Variants in GLI3 observed in about 807,000 individuals in gnomAD.
The protein encoded by GLI3 is GLI family zinc finger 3.
GLI3 carries 20 observed loss-of-function variants against 100.8 expected under a neutral mutation model. The ratio of observed to expected loss-of-function variants is 0.20; its 90% confidence interval spans 0.14 to 0.29. The LOEUF is 0.29. Ranked by LOEUF, GLI3 falls within the 10% of genes least tolerant of loss-of-function variation. The probability of loss-of-function intolerance (pLI) is 1.00; values close to 1 mark genes in which losing one functional copy is unlikely to be tolerated. For synonymous variants in GLI3, 938 were observed against 860.5 expected (o/e 1.09, Z -1.58); for missense variants, 2,040 against 2,128.5 (o/e 0.96, Z 0.82).
Position 42,077,586 on chromosome 7 carries a change from C to A in GLI3, c.368-729G>T, listed in dbSNP as rs528774089. ...GTAGTGTTAACATTCACCTTGGACC[C>A]AGGCCCTCTCCTGCTTCCACCTTTC... On this transcript the variant is annotated intron_variant, in intron 3 of 14. Transcript: ENST00000395925. 2.2e-4 allele frequency among the ~76,000 whole-genome samples: 33 copies of A among 152,080 alleles called. No individual in the cohort carries two copies. In the South Asian group the frequency reaches 6.5e-3, roughly 30 times the overall value.
intron 1 of GLI3, among the ~76,000 whole-genome samples, chr7:42,256,321 A>T (rs1449311997): frequency 1.3e-5 from 2 of 151,430 alleles, no homozygotes; most frequent in African/African-American, 4.9e-5. Flanking sequence ...TTTTTAATGG[A>T]TCATGTGTTG....
intron 2 of GLI3, among the ~76,000 whole-genome samples, chr7:42,205,449 T>C (rs1788130660): frequency 6.6e-6 from 1 of 152,180 alleles, no homozygotes. Flanking sequence ...CTAATCCTTG[T>C]CCTTGGCACT....
At chr7:41,981,279 G>A (rs774362579) in intron 10 of GLI3, among the ~76,000 whole-genome samples, 7 of 152,214 alleles carry the variant, frequency 4.6e-5, no homozygotes, top group Non-Finnish European at 8.8e-5. Context: ...CATCCATGAC[G>A]TAGGTAAGCT....
At chr7:42,186,872 A>G (rs1787726156) in intron 2 of GLI3, among the ~76,000 whole-genome samples, 1 of 152,176 alleles carries the variant, frequency 6.6e-6, no homozygotes, top group Admixed American at 6.5e-5. Context: ...GAGCTTTTAA[A>G]TGTTTTGGAG....
chr7:41,988,966 T>C (rs1023706317), intron 10 of GLI3, among the ~76,000 whole-genome samples: 1 of 152,212 alleles, frequency 6.6e-6, no homozygotes, highest in African/African-American at 2.4e-5. Flanking sequence ...TATTGTGATT[T>C]TACATGGAGA....
chr7:42,236,676 G>GCCGCCACC (rs1277401009), intron 1 of GLI3, among the ~76,000 whole-genome samples: 1 of 152,102 alleles, frequency 6.6e-6, no homozygotes, highest in Non-Finnish European at 1.5e-5. Context: ...GGCGAGGGGC[G>GCCGCCACC]CCGCCACCAC....
intron 2 of GLI3, among the ~76,000 whole-genome samples, chr7:42,182,660 A>ATATATATATATACATGTG (rs1554337052): frequency 0.012 from 716 of 59,088 alleles, 31 homozygotes; most frequent in Middle Eastern, 0.055. Flanking sequence ...ATATATATAT[A>ATATATATATATACATGTG]TATATATATA....
chr7:42,163,572 G>A (rs145943382), intron 2 of GLI3, among the ~76,000 whole-genome samples: 5,497 of 151,994 alleles, frequency 0.036, 141 homozygotes, highest in Middle Eastern at 0.061. Flanking sequence ...GGAATTACAG[G>A]CGCCCGCCAG....
chr7:42,065,700 T>C (rs961447625), intron 4 of GLI3, among the ~76,000 whole-genome samples: 3 of 152,200 alleles, frequency 2.0e-5, no homozygotes, highest in Non-Finnish European at 4.4e-5. Flanking sequence ...TCTTTAGATA[T>C]GTAAATTTAA....
At chr7:41,976,899 T>A (rs1261825181) in intron 12 of GLI3, among the ~76,000 whole-genome samples, 1 of 152,172 alleles carries the variant, frequency 6.6e-6, no homozygotes, top group Non-Finnish European at 1.5e-5. Flanking sequence ...CTCTCTACAA[T>A]TTAGGGGGGA....
At chr7:42,161,234 T>G (rs988362881) in intron 2 of GLI3, among the ~76,000 whole-genome samples, 1 of 152,148 alleles carries the variant, frequency 6.6e-6, no homozygotes, top group Non-Finnish European at 1.5e-5. Flanking sequence ...AAAAGAAGAA[T>G]AATATTTCAC....
At chr7:42,019,285 G>A (rs1788865352) in intron 10 of GLI3, among the ~76,000 whole-genome samples, 1 of 152,136 alleles carries the variant, frequency 6.6e-6, no homozygotes, top group Non-Finnish European at 1.5e-5. Flanking sequence ...AACATAGTTG[G>A]TATATACAAT....
At chr7:42,136,649 C>T (rs1006035915) in intron 3 of GLI3, among the ~76,000 whole-genome samples, 4 of 152,186 alleles carry the variant, frequency 2.6e-5, no homozygotes, top group African/African-American at 9.6e-5. Flanking sequence ...GAAGAAATGT[C>T]TCATTCTCCC....
At chr7:42,217,985 A>G (rs1788410523) in intron 2 of GLI3, among the ~76,000 whole-genome samples, 1 of 152,214 alleles carries the variant, frequency 6.6e-6, no homozygotes, top group Non-Finnish European at 1.5e-5. Flanking sequence ...GAAACTGATG[A>G]GGAAACTAGA....
chr7:42,258,872 C>G (rs1470005568), intron 1 of GLI3, among the ~76,000 whole-genome samples: 1 of 152,194 alleles, frequency 6.6e-6, no homozygotes, highest in Admixed American at 6.5e-5. Context: ...TGGGGGGACA[C>G]AAACTTTTGG....
intron 6 of GLI3, among the ~76,000 whole-genome samples, chr7:42,045,076 A>G (rs1368104019): frequency 6.6e-6 from 1 of 152,194 alleles, no homozygotes; most frequent in Admixed American, 6.5e-5. Context: ...TTGTAGAGAT[A>G]GATCTCGCTA....
intron 1 of GLI3, among the ~76,000 whole-genome samples, chr7:42,227,299 G>A (rs922487037): frequency 1.3e-5 from 2 of 148,524 alleles, no homozygotes; most frequent in Non-Finnish European, 3.0e-5. Context: ...TGTAGCTGAT[G>A]TTTGAGTCCC....
In GLI3 at chr7:41,966,632, G is replaced by T. The variant is rs375964783; in HGVS notation, c.2441C>A (p.Ser814Tyr). The change falls in exon 15 of 15, where the codon TCC (serine) becomes TAC (tyrosine). Residue 814 changes from serine (S) to tyrosine (Y), a missense_variant. Physicochemically the swap from Ser to Tyr is moderately radical, Grantham distance 144. Coordinates refer to ENST00000395925, the MANE Select transcript of GLI3 (RefSeq NM_000168.6). The surrounding 1 kb of genome is among the most constrained non-coding windows in gnomAD (Gnocchi z 5.8). ...CCCACCCAAGCTGCAGGTGTTGTTG[G>T]ACTGTGTGCCTGGAGACAGAGAAAG... ...VSPLIGNGTQ[S>Y]NNTCSLGGPM... 7 of 1,613,916 alleles carry T rather than the reference G, an allele frequency of 4.3e-6. No homozygotes were observed. In the African/African-American group the frequency reaches 8.0e-5, roughly 18 times the overall value.
chr7:42,044,219 G>C (rs1158222107), intron 6 of GLI3, among the ~76,000 whole-genome samples: 1 of 152,210 alleles, frequency 6.6e-6, no homozygotes, highest in Non-Finnish European at 1.5e-5. Flanking sequence ...AAATGGAAAA[G>C]TGTAAGTTAA....
Sources: gnomAD v4.1 joint callset for allele counts (sites outside exome capture counted in the v4.1 genomes callset) on GRCh38, gnomAD v4.1.1 for gene constraint, Gnocchi (gnomAD v3.1) non-coding constraint, MANE v1.5 for transcripts, NCBI Gene and HGNC (gene_info 2026-07-23, HGNC 2026-07-21) for gene names.